Variants in ADAMTS7 observed in about 807,000 individuals in gnomAD.
The protein encoded by ADAMTS7 is A disintegrin and metalloproteinase with thrombospondin motifs 7.
ADAMTS7 carries 89 observed loss-of-function variants against 172.6 expected under a neutral mutation model. The observed-to-expected ratio is 0.52, with a 90% confidence interval of 0.43 to 0.61. The LOEUF (loss-of-function observed/expected upper bound fraction) is 0.61. ADAMTS7 is among the 20% of genes least tolerant of loss of function. ADAMTS7 has a pLI of 0.00. For missense variants in ADAMTS7, 1,973 were observed against 2,355.6 expected, an observed-to-expected ratio of 0.84 and a Z score of 3.36; for synonymous variants, 885 against 978.4, an observed-to-expected ratio of 0.90 and a Z score of 1.78.
At chr15:78,762,080 C>G in intron 23 of ADAMTS7, 1 of 985,254 alleles carries the variant, frequency 1.0e-6, no homozygotes, top group Non-Finnish European at 1.2e-6. Flanking sequence ...TGTGGGAAGA[C>G]TGAGACCTAG....
rs929609864 is a variant in ADAMTS7 at position 78,800,272 on chromosome 15, G to T, written c.376C>A (p.Pro126Thr). The T allele has an allele frequency of 1.8e-5, 29 of 1,595,118 alleles. No homozygotes were observed. Among genetic ancestry groups the T allele is most frequent in the African/African-American group, 6.7e-5 (5 of 74,552 alleles). ...LGRAHIRAHT[P>T]ACHLLGEVQD... is the part of the protein sequence containing the mutation. ...ACCTCGCCAAGCAGGTGGCAGGCCGGGGTGTGGGCCCGGATGTGCGCGCGG... is the reference window on the plus strand; with the variant it reads ...ACCTCGCCAAGCAGGTGGCAGGCCGTGGTGTGGGCCCGGATGTGCGCGCGG... The change falls in exon 2 of 24, where the codon CCG becomes ACG. Residue 126 changes from proline (P) to threonine (T), a missense_variant. This residue lies in a region of ADAMTS7 where 306 missense variants were observed against 288.0 expected (regional missense o/e 1.06). Transcript: ENST00000388820.
Position 78,798,100 on chromosome 15 carries a change from T to C in ADAMTS7, c.470A>G (p.Gln157Arg). 6 of 1,555,432 alleles carry C rather than the reference T, an allele frequency of 3.9e-6. No homozygotes were observed. The highest frequency in any genetic ancestry group is 4.3e-6 in the Non-Finnish European group (5 of 1,159,146). Residue 157 changes from glutamine to arginine, a missense_variant, in exon 3 of 24, where the codon CAG becomes CGG. Transcript: ENST00000388820. ...SACDGLKGVFQLSNEDYFIEP... is the reference protein window; with the variant it reads ...SACDGLKGVFRLSNEDYFIEP... ...AATGAAGTAGTCCTCGTTGGAGAGC[T>C]GGAACACACCTTTCTGGGGAAGAAG... is the stretch of plus-strand genomic sequence containing the variant.
At position 78,773,101 on chromosome 15, in the gene ADAMTS7, C is replaced by G; in HGVS notation, c.2113G>C (p.Glu705Gln). Reference protein sequence around the residue: ...STCHTVSGTFEEAEGLGYVDV... With the variant: ...STCHTVSGTFQEAEGLGYVDV... Reference sequence around the variant, plus strand: ...CCCATACCCAGGCCCTCGGCCTCCTCGAAGGTCCCGCTCACGGTGTGGCAG... The same window carrying G: ...CCCATACCCAGGCCCTCGGCCTCCTGGAAGGTCCCGCTCACGGTGTGGCAG... Residue 705 changes from glutamate to glutamine, a missense_variant, in exon 14 of 24, where the codon GAG becomes CAG. Coordinates refer to ENST00000388820, the MANE Select transcript of ADAMTS7 (RefSeq NM_014272.5). The G allele has an allele frequency of 6.6e-7, 1 of 1,519,664 alleles. No homozygotes were observed. Among genetic ancestry groups the G allele is most frequent in the Non-Finnish European group, 9.0e-7 (1 of 1,113,750 alleles). 94.1% of individuals were successfully genotyped at this position (1,519,664 alleles called of 1,614,324 possible). A position where few individuals can be genotyped will look rare whatever the true frequency, so the allele number is the denominator to read the frequency against.
intron 8 of ADAMTS7, among the ~76,000 whole-genome samples, chr15:78,779,910 T>G (rs2055405859): frequency 6.7e-6 from 1 of 148,760 alleles, no homozygotes; most frequent in African/African-American, 2.5e-5. Context: ...CAGCCCACCC[T>G]GGGTGTGTGG....
intron 23 of ADAMTS7, among the ~76,000 whole-genome samples, chr15:78,761,465 C>T (rs1454602437): frequency 6.6e-6 from 1 of 152,172 alleles, no homozygotes; most frequent in Non-Finnish European, 1.5e-5. Flanking sequence ...ATGACAGTGG[C>T]TGTGGGGGAG....
chr15:78,789,596 G>A (rs890158830), intron 7 of ADAMTS7, 93 bp downstream of exon 7: 1 of 1,516,276 alleles, frequency 6.6e-7, no homozygotes, highest in African/African-American at 1.4e-5. Context: ...CCTTTCCCCT[G>A]GACTTTGTGA....
chr15:78,807,919 A>G (rs1381336353), intron 1 of ADAMTS7, among the ~76,000 whole-genome samples: 1 of 150,040 alleles, frequency 6.7e-6, no homozygotes, highest in Admixed American at 6.7e-5. Context: ...CAGTGATGCG[A>G]TCGTGGTTTA....
rs1055498210 is a variant in ADAMTS7, at chr15:78,761,901, C to T, written c.4903+502G>A. ...ACCCTGGAAGGGAGGCCCTTCCTGC[C>T]TCAAACCCCATTACCTCATTAGCAG... On this transcript the variant is annotated intron_variant, in intron 23 of 23. Transcript: ENST00000388820. 25 of 985,230 alleles carry T rather than the reference C, an allele frequency of 2.5e-5. No homozygotes were observed. The African/African-American group carries it at 4.2e-4, about 17-fold the overall frequency. 61.0% of individuals were successfully genotyped at this position (985,230 alleles called of 1,614,324 possible).
At chr15:78,806,127 CAAAAAAAAAAAAA>C (rs1169680816) in intron 1 of ADAMTS7, among the ~76,000 whole-genome samples, 11 of 23,264 alleles carry the variant, frequency 4.7e-4, no homozygotes, top group East Asian at 3.0e-3. Flanking sequence ...CACACACACA[CAAAAAAAAAAAAA>C]AAAAAAAAAA....
At chr15:78,777,772 G>A (rs535731364) in intron 8 of ADAMTS7, among the ~76,000 whole-genome samples, 184 bp from the exon 9 acceptor site, 132 of 152,212 alleles carry the variant, frequency 8.7e-4, no homozygotes, top group African/African-American at 2.5e-3. Flanking sequence ...AGGCCCTCCC[G>A]GCCTCTCTCA....
chr15:78,798,776 C>A (rs2055680059), intron 2 of ADAMTS7, among the ~76,000 whole-genome samples: 1 of 152,180 alleles, frequency 6.6e-6, no homozygotes, highest in Non-Finnish European at 1.5e-5. Flanking sequence ...CCCACTACCT[C>A]CTGAGGAAGC....
Position 78,811,375 on chromosome 15 carries a change from G to C in ADAMTS7, c.-155C>G, listed in dbSNP as rs1300349222. The C allele has an allele frequency of 1.1e-6, 1 of 944,038 alleles. No homozygotes were observed. Among genetic ancestry groups the C allele is most frequent in the Non-Finnish European group, 1.4e-6 (1 of 730,892 alleles). 58.5% of individuals were successfully genotyped at this position (944,038 alleles called of 1,614,324 possible). A position where few individuals can be genotyped will look rare whatever the true frequency, so the allele number is the denominator to read the frequency against. The stretch of plus-strand genomic sequence containing the variant: ...GACTCCGTTCGGCTGCGCTCGGTCC[G>C]CGGGCAACAAAGGCTGCAGGGCCCG... On this transcript the variant is annotated 5_prime_UTR_variant, in exon 1 of 24. Transcript: ENST00000388820.
chr15:78,807,008 C>A (rs575426267), intron 1 of ADAMTS7, among the ~76,000 whole-genome samples: 1 of 152,294 alleles, frequency 6.6e-6, no homozygotes, highest in South Asian at 2.1e-4. Flanking sequence ...CTCAGGTGAT[C>A]CACCCGCCTC....
chr15:78,765,569 C>T, intron 19 of ADAMTS7, 76 bp downstream of exon 19: 2 of 1,592,548 alleles, frequency 1.3e-6, no homozygotes, highest in Non-Finnish European at 8.6e-7. Flanking sequence ...GTGTCCCACT[C>T]TGCTCATTTT....
intron 16 of ADAMTS7, among the ~76,000 whole-genome samples, chr15:78,768,759 A>G (rs1687575300): frequency 6.6e-6 from 1 of 152,176 alleles, no homozygotes. Context: ...CCCTCCCCTC[A>G]GGGAAACTGA....
At position 78,766,141 on chromosome 15, in the gene ADAMTS7, A is replaced by G. The variant is rs773738533; in HGVS notation, c.3770T>C (p.Val1257Ala). ...TGTGCCTCCTGTCCACAGCTCCGCC[A>G]CGTCAGGACTAGGAGAGGAGTGGGT... ...GSTHSSPSPD[V>A]AELWTGGTVA... The change falls in exon 19 of 24, where the codon GTG becomes GCG. Residue 1257 changes from valine to alanine, a missense_variant. Physicochemically the swap from Val to Ala is moderately conservative, Grantham distance 64 (BLOSUM62 0). Transcript: ENST00000388820. 23 of 1,610,960 alleles carry G rather than the reference A, an allele frequency of 1.4e-5. No homozygotes were observed. The African/African-American group carries it at 2.5e-4, about 18-fold the overall frequency.
chr15:78,777,568 A>G lies in ADAMTS7; in HGVS notation c.1343T>C (p.Leu448Pro). 1 of 1,606,700 alleles carries G rather than the reference A, an allele frequency of 6.2e-7. No homozygotes were observed. The highest frequency in any genetic ancestry group is 8.5e-7 in the Non-Finnish European group (1 of 1,176,880). The change falls in exon 9 of 24, where the codon CTG (leucine) becomes CCG (proline). Residue 448 changes from leucine (L) to proline (P), a missense_variant. Around this residue, in one of 8 missense-constraint regions of ADAMTS7, gnomAD observed 526 missense variants for 662.9 expected, o/e 0.79. Transcript: ENST00000388820. ...AATGTCCTTGGCAGGAGGGTCGTCC[A>G]GGCACAGGCCCCACCCACGGCTAAA... ...RFLDRGWGLCLDDPPAKDIID... is the reference protein window; with the variant it reads ...RFLDRGWGLCPDDPPAKDIID...
intron 9 of ADAMTS7, chr15:78,777,060 C>T (rs530531066): frequency 6.9e-5 from 40 of 580,030 alleles, no homozygotes; most frequent in Non-Finnish European, 1.1e-4. Context: ...GAGCGGTCCC[C>T]AGCTGTCCAC....
At chr15:78,768,383 C>A in intron 16 of ADAMTS7, 124 bp from the exon 17 acceptor site, 1 of 1,391,750 alleles carries the variant, frequency 7.2e-7, no homozygotes, top group Non-Finnish European at 9.9e-7. Context: ...GGATGCCTTA[C>A]TGCCCATGTC....
Sources: allele counts gnomAD v4.1 joint callset (sites outside exome capture counted in the v4.1 genomes callset), GRCh38; gene constraint gnomAD v4.1.1; regional missense constraint gnomAD v4.1.1; transcripts MANE v1.5; gene names NCBI Gene and HGNC (gene_info 2026-07-23, HGNC 2026-07-21).